RBMS1: variants seen among roughly 807,000 people sequenced by gnomAD.
RBMS1 encodes RNA-binding motif, single-stranded-interacting protein 1.
RBMS1 carries 17 observed loss-of-function variants against 62.3 expected under a neutral mutation model. That is an observed-to-expected ratio of 0.27 (90% CI 0.19 to 0.41). The LOEUF (loss-of-function observed/expected upper bound fraction) is 0.41, where lower values mean the gene tolerates loss of function less well. Ranked by LOEUF, RBMS1 falls within the 10% of genes least tolerant of loss-of-function variation. RBMS1 has a pLI of 1.00. For synonymous variants in RBMS1, 172 were observed against 170.0 expected, an observed-to-expected ratio of 1.01 and a Z score of -0.09; for missense variants, 334 against 504.5, an observed-to-expected ratio of 0.66 and a Z score of 3.24.
chr2:160,376,473 GAATT>G (rs769642221), intron 1 of RBMS1, among the ~76,000 whole-genome samples: 9 of 151,926 alleles, frequency 5.9e-5, no homozygotes, highest in African/African-American at 1.9e-4. Context: ...AAAATTTTTT[GAATT>G]AATATAACTC....
intron 1 of RBMS1, among the ~76,000 whole-genome samples, chr2:160,397,868 C>T (rs974975715): frequency 2.6e-5 from 4 of 152,164 alleles, no homozygotes; most frequent in Admixed American, 6.5e-5. Flanking sequence ...TGACACTCTC[C>T]GGATTCTCTC....
chr2:160,373,665 G>A (rs1421454657), intron 1 of RBMS1, among the ~76,000 whole-genome samples: 1 of 152,082 alleles, frequency 6.6e-6, no homozygotes, highest in Non-Finnish European at 1.5e-5. Context: ...CCAGACTGAA[G>A]ACATTAAATT....
intron 1 of RBMS1, among the ~76,000 whole-genome samples, chr2:160,401,351 A>AAGTGTTAAG (rs1695416337): frequency 6.6e-6 from 1 of 152,208 alleles, no homozygotes; most frequent in African/African-American, 2.4e-5. Flanking sequence ...CTGTCGTTAT[A>AAGTGTTAAG]TTAAGTGTTA....
intron 1 of RBMS1, among the ~76,000 whole-genome samples, chr2:160,430,176 T>G (rs1682830014): frequency 6.6e-6 from 1 of 152,180 alleles, no homozygotes; most frequent in East Asian, 1.9e-4. Flanking sequence ...CAAAGTCAAA[T>G]GGAGCAGAAG....
intron 7 of RBMS1, among the ~76,000 whole-genome samples, chr2:160,285,557 TG>T (rs1443192542): frequency 2.6e-5 from 4 of 152,096 alleles, no homozygotes; most frequent in Admixed American, 1.3e-4. Context: ...AATATGTTAT[TG>T]TTTTTAAAAT....
chr2:160,476,906 C>T (rs1398462745), intron 1 of RBMS1, among the ~76,000 whole-genome samples: 1 of 152,180 alleles, frequency 6.6e-6, no homozygotes, highest in Non-Finnish European at 1.5e-5. Context: ...AGGAAGCCTG[C>T]ATGTACACAA....
chr2:160,303,535 A>G (rs752739373), intron 4 of RBMS1, 48 bp from the exon 5 acceptor site: 2 of 1,549,934 alleles, frequency 1.3e-6, no homozygotes, highest in Non-Finnish European at 1.7e-6. Flanking sequence ...AGAAGGTGAG[A>G]TATTTATGTT....
At chr2:160,381,174 A>G (rs1048930726) in intron 1 of RBMS1, among the ~76,000 whole-genome samples, 6 of 152,150 alleles carry the variant, frequency 3.9e-5, no homozygotes, top group Non-Finnish European at 7.3e-5. Context: ...AATAGCTCAT[A>G]TGCAAATCCT....
At chr2:160,335,423 G>A (rs556272799) in intron 2 of RBMS1, among the ~76,000 whole-genome samples, 2 of 152,236 alleles carry the variant, frequency 1.3e-5, no homozygotes, top group South Asian at 2.1e-4. Flanking sequence ...ACAGTTACAG[G>A]ACAGCAAACT....
intron 1 of RBMS1, among the ~76,000 whole-genome samples, chr2:160,370,179 CA>C (rs1693648369): frequency 1.3e-5 from 2 of 152,264 alleles, no homozygotes; most frequent in South Asian, 4.1e-4. Context: ...CTATACAGAA[CA>C]AAGTTCAAAT....
intron 2 of RBMS1, among the ~76,000 whole-genome samples, chr2:160,323,580 G>A (rs986476822): frequency 7.6e-6 from 1 of 131,254 alleles, no homozygotes; most frequent in Non-Finnish European, 1.6e-5. Context: ...GAAAGTGCAC[G>A]ACCAAACAGC....
intron 1 of RBMS1, among the ~76,000 whole-genome samples, chr2:160,454,424 A>AT (rs1174081334): frequency 1.3e-5 from 2 of 152,252 alleles, no homozygotes; most frequent in East Asian, 3.8e-4. Context: ...GGTGCCATAT[A>AT]AAGAAAGAAC....
intron 2 of RBMS1, among the ~76,000 whole-genome samples, chr2:160,347,869 G>A (rs1692272054): frequency 6.6e-6 from 1 of 151,948 alleles, no homozygotes; most frequent in African/African-American, 2.4e-5. Context: ...TGAATAGAGT[G>A]CTTTATTACT....
At chr2:160,325,638 G>A (rs968836549) in intron 2 of RBMS1, among the ~76,000 whole-genome samples, 2 of 152,138 alleles carry the variant, frequency 1.3e-5, no homozygotes, top group African/African-American at 2.4e-5. Flanking sequence ...AACAGTGGTT[G>A]GATAGGGGAA....
At chr2:160,397,986 AT>A in intron 1 of RBMS1, among the ~76,000 whole-genome samples, 1 of 152,266 alleles carries the variant, frequency 6.6e-6, no homozygotes, top group East Asian at 1.9e-4. Context: ...GTCTTGACAC[AT>A]TCTCTCCTCG....
intron 1 of RBMS1, among the ~76,000 whole-genome samples, chr2:160,380,701 C>T (rs1334592313): frequency 6.6e-6 from 1 of 152,118 alleles, no homozygotes; most frequent in Admixed American, 6.5e-5. Flanking sequence ...TGGTAAAGAT[C>T]GGAACCAAGC....
intron 1 of RBMS1, among the ~76,000 whole-genome samples, chr2:160,443,592 G>A (rs568987553): frequency 4.0e-5 from 6 of 151,376 alleles, no homozygotes; most frequent in South Asian, 2.1e-4. Context: ...TCCTGCTTTC[G>A]CCATGTGAAG....
At chr2:160,465,865 T>TACACACACACACACAC (rs72005445) in intron 1 of RBMS1, among the ~76,000 whole-genome samples, 49 of 146,736 alleles carry the variant, frequency 3.3e-4, no homozygotes, top group Admixed American at 1.2e-3. Flanking sequence ...CACACACACA[T>TACACACACACACACAC]ACACACACAC....
At chr2:160,436,161 T>C (rs566808957) in intron 1 of RBMS1, among the ~76,000 whole-genome samples, 8 of 152,296 alleles carry the variant, frequency 5.3e-5, no homozygotes, top group East Asian at 1.9e-4. Context: ...CCAGAAAAAG[T>C]AGAATCTACC....
Sources: gnomAD v4.1 joint callset for allele counts (sites outside exome capture counted in the v4.1 genomes callset) on GRCh38, gnomAD v4.1.1 for gene constraint, MANE v1.5 for transcripts, NCBI Gene and HGNC (gene_info 2026-07-23, HGNC 2026-07-21) for gene names.